CCDC124: variants seen among roughly 807,000 people sequenced by gnomAD.
CCDC124 encodes the protein coiled-coil domain containing 124.
Under a neutral mutation model 19.8 loss-of-function variants are expected in CCDC124, and 9 were observed. The observed-to-expected ratio is 0.45, with a 90% CI of 0.27 to 0.79. CCDC124 has a LOEUF of 0.79. Among genes scored for constraint, CCDC124 ranks in the 30% least tolerant of loss-of-function variants. CCDC124 has a pLI of 0.14. For missense variants in CCDC124, 285 were observed against 319.0 expected (o/e 0.89, Z 0.81); for synonymous variants, 126 against 131.3 (o/e 0.96, Z 0.27).
At position 17,936,577 on chromosome 19, in the gene CCDC124, A is replaced by G; in HGVS notation, c.157A>G (p.Lys53Glu). ...DKHVMRKEQR[K>E]EEKEKRRLDQ... ...ACACGTCATGAGGAAGGAGCAGCGC[A>G]AGGTGCGTGCACTCCGAGTCCCCGC... is the stretch of plus-strand genomic sequence containing the variant. Residue 53 changes from lysine (K) to glutamate (E), a missense_variant and splice_region_variant, in exon 2 of 5, where the codon AAG (lysine) becomes GAG (glutamate). Coordinates refer to ENST00000445755, the MANE Select transcript of CCDC124 (RefSeq NM_001136203.2). The G allele has an allele frequency of 1.9e-6, 3 of 1,612,214 alleles. No individual in the cohort carries two copies. Among genetic ancestry groups the G allele is most frequent in the Non-Finnish European group, 2.5e-6 (3 of 1,179,268 alleles).
chr19:17,943,857 C>A lies in CCDC124; in HGVS notation c.*142C>A. 1 of 765,898 alleles carries A rather than the reference C, an allele frequency of 1.3e-6. No homozygotes were observed. Among genetic ancestry groups the A allele is most frequent in the Non-Finnish European group, 2.1e-6 (1 of 476,132 alleles). The allele number at this position is 765,898 out of a possible 1,614,324, so 47.4% of individuals were successfully genotyped here. ...CCCGGGGCCATGCTCTTATCACCAGCCACCCGTCCTCCCGCCAGAGGGTCC... is the reference window on the plus strand; with the variant it reads ...CCCGGGGCCATGCTCTTATCACCAGACACCCGTCCTCCCGCCAGAGGGTCC... On this transcript the variant is annotated 3_prime_UTR_variant, in exon 5 of 5. Transcript: ENST00000445755.
intron 1 of CCDC124, among the ~76,000 whole-genome samples, chr19:17,933,985 T>A (rs1264970966): frequency 1.3e-5 from 2 of 152,210 alleles, no homozygotes; most frequent in Non-Finnish European, 2.9e-5. Context: ...TGTCTGTATT[T>A]CCAGCTTGGG....
At chr19:17,937,213 G>A (rs892084109) in intron 2 of CCDC124, among the ~76,000 whole-genome samples, 1 of 151,630 alleles carries the variant, frequency 6.6e-6, no homozygotes, top group African/African-American at 2.4e-5. Context: ...CCCAGGAGGC[G>A]GAGGTTGCAA....
intron 2 of CCDC124, chr19:17,936,849 C>T (rs2031077026): frequency 3.0e-6 from 1 of 329,464 alleles, no homozygotes; most frequent in East Asian, 6.1e-5. Context: ...CGTGGTGGCG[C>T]ACACTTACAG....
chr19:17,935,672 C>T (rs536841655), intron 1 of CCDC124, among the ~76,000 whole-genome samples: 3 of 152,130 alleles, frequency 2.0e-5, no homozygotes, highest in Non-Finnish European at 4.4e-5. Flanking sequence ...ACCTCTGCCT[C>T]CCAGGTTCAA....
chr19:17,939,231 C>A (rs1335632478), intron 2 of CCDC124, among the ~76,000 whole-genome samples: 1 of 151,954 alleles, frequency 6.6e-6, no homozygotes, highest in Non-Finnish European at 1.5e-5. Flanking sequence ...CCCATCTCTG[C>A]TAAAAATAAA....
At chr19:17,935,623 C>G (rs1674684324) in intron 1 of CCDC124, among the ~76,000 whole-genome samples, 1 of 152,128 alleles carries the variant, frequency 6.6e-6, no homozygotes, top group Non-Finnish European at 1.5e-5. Flanking sequence ...ACTCTGCCGC[C>G]TAGGCTGGAG....
Position 17,942,608 on chromosome 19 carries a change from C to A in CCDC124, c.160-48C>A. ...ACTCGAACCCCAGGCTAGTGGGTGG[C>A]GCGGGGGTGTGGGGTCTTCTGCCTG... On this transcript the variant is annotated intron_variant, in intron 2 of 4. Coordinates refer to ENST00000445755, the MANE Select transcript of CCDC124 (RefSeq NM_001136203.2). The surrounding 1 kb of genome is among the most constrained non-coding windows in gnomAD (Gnocchi z 4.2). 2 of 1,538,000 alleles carry A rather than the reference C, an allele frequency of 1.3e-6. No homozygotes were observed. The highest frequency in any genetic ancestry group is 8.8e-7 in the Non-Finnish European group (1 of 1,138,838).
chr19:17,942,972 G>A lies in CCDC124; in HGVS notation c.349+127G>A. 1 of 1,152,382 alleles carries A rather than the reference G, an allele frequency of 8.7e-7. No homozygotes were observed. Among genetic ancestry groups the A allele is most frequent in the Non-Finnish European group, 1.2e-6 (1 of 838,356 alleles). The allele number at this position is 1,152,382 out of a possible 1,614,324, so 71.4% of individuals were successfully genotyped here. ...GCTCCACGTGGTGCAGGGTGGGTGG[G>A]TAGGCCGCCTCCTGGTAGGCCTGGC... is the stretch of plus-strand genomic sequence containing the variant. On this transcript the variant is annotated intron_variant, in intron 3 of 4. Coordinates refer to ENST00000445755, the MANE Select transcript of CCDC124 (RefSeq NM_001136203.2). This position sits in a 1 kb window ranked among gnomAD's most constrained non-coding sequence, Gnocchi z 4.2.
chr19:17,934,214 C>T (rs564896115), intron 1 of CCDC124, among the ~76,000 whole-genome samples: 1 of 151,620 alleles, frequency 6.6e-6, no homozygotes, highest in East Asian at 1.9e-4. Context: ...TGGTGAAACC[C>T]CATCTCTATA....
intron 2 of CCDC124, among the ~76,000 whole-genome samples, chr19:17,941,571 G>C (rs1037979989): frequency 4.6e-5 from 7 of 152,090 alleles, no homozygotes; most frequent in Admixed American, 3.9e-4. Context: ...GCATCGGTCG[G>C]GGAGCCTCGG....
In CCDC124 at chr19:17,943,497, TCCAC is replaced by T. The variant is rs1345684794; in HGVS notation, c.465-8_465-5del. 1 of 1,608,554 alleles carries T rather than the reference TCCAC, an allele frequency of 6.2e-7. No homozygotes were observed. Among genetic ancestry groups the T allele is most frequent in the Admixed American group, 1.7e-5 (1 of 59,894 alleles). On this transcript the variant is annotated splice_region_variant and splice_polypyrimidine_tract_variant and intron_variant, in intron 4 of 4. Transcript: ENST00000445755. ...CGCCCAAGGCCCCCTGACGCTCATGTCCACCCCCAGCGTGGCGGAGGAGGCGGCC... is the reference window on the plus strand; with the variant it reads ...CGCCCAAGGCCCCCTGACGCTCATGTCCCCAGCGTGGCGGAGGAGGCGGCC...
At chr19:17,937,158 G>C (rs2031084770) in intron 2 of CCDC124, among the ~76,000 whole-genome samples, 1 of 151,824 alleles carries the variant, frequency 6.6e-6, no homozygotes, top group African/African-American at 2.4e-5. Context: ...GCAGGCTCCT[G>C]TAATCCCAGC....
Position 17,943,241 on chromosome 19 carries a change from T to TCGGGGGGCCCCCCCCC in CCDC124, c.350-19_350-18insGGGGGGCCCCCCCCCC. On this transcript the variant is annotated intron_variant, in intron 3 of 4. Coordinates refer to ENST00000445755, the MANE Select transcript of CCDC124 (RefSeq NM_001136203.2). ...CTTTGCTTATCTCTCTCTGTCTCTG[T>TCGGGGGGCCCCCCCCC]CACCCACCCACCCGCCCAGCCGAGA... 1.2e-5 allele frequency: 9 copies of TCGGGGGGCCCCCCCCC among 736,676 alleles called. No homozygotes were observed. Among genetic ancestry groups the TCGGGGGGCCCCCCCCC allele is most frequent in the East Asian group, 2.7e-5 (1 of 37,084 alleles). 45.6% of individuals were successfully genotyped at this position (736,676 alleles called of 1,614,324 possible).
chr19:17,939,266 G>T (rs149392644), intron 2 of CCDC124, among the ~76,000 whole-genome samples: 7 of 152,076 alleles, frequency 4.6e-5, no homozygotes, highest in South Asian at 4.2e-4. Flanking sequence ...GTGGTGGCGC[G>T]CACCTGTAGT....
In CCDC124 at chr19:17,942,746, G is replaced by A. The variant is rs749329035; in HGVS notation, c.250G>A (p.Gly84Ser). 4 of 1,549,556 alleles carry A rather than the reference G, an allele frequency of 2.6e-6. No individual in the cohort carries two copies. The highest frequency in any genetic ancestry group is 2.4e-5 in the East Asian group (1 of 41,152). Residue 84 changes from glycine (G) to serine (S), a missense_variant, in exon 3 of 5, where the codon GGC becomes AGC. Gly to Ser is a moderately conservative substitution (Grantham distance 56). Coordinates refer to ENST00000445755, the MANE Select transcript of CCDC124 (RefSeq NM_001136203.2). The surrounding 1 kb of genome is among the most constrained non-coding windows in gnomAD (Gnocchi z 4.2). ...GGAGGAGGACTCCAAGCTCAAGGGC[G>A]GCAAGGCGCCGCGGGTGGCCACGTC... Reference protein sequence around the residue: ...LEEEDSKLKGGKAPRVATSSK... With the variant: ...LEEEDSKLKGSKAPRVATSSK...
At chr19:17,933,281 C>A (rs1182940065) in intron 1 of CCDC124, among the ~76,000 whole-genome samples, 1 of 152,186 alleles carries the variant, frequency 6.6e-6, no homozygotes, top group Non-Finnish European at 1.5e-5. Context: ...CCCCGGACTG[C>A]CCCTAGGCAG....
Position 17,942,809 on chromosome 19 carries a change from C to G in CCDC124, c.313C>G (p.Arg105Gly). The stretch of plus-strand genomic sequence containing the variant: ...CCGGGCCCAGATCGAGGACACGCTG[C>G]GCCGAGACCATCAGCTCAGGGAGGC... ...VTRAQIEDTL[R>G]RDHQLREAPD... is the part of the protein sequence containing the mutation. The change falls in exon 3 of 5, where the codon CGC becomes GGC. Residue 105 changes from arginine (R) to glycine (G), a missense_variant. Physicochemically the swap from Arg to Gly is moderately radical, Grantham distance 125. Coordinates refer to ENST00000445755, the MANE Select transcript of CCDC124 (RefSeq NM_001136203.2). The surrounding 1 kb of genome is among the most constrained non-coding windows in gnomAD (Gnocchi z 4.2). 6.5e-7 allele frequency: 1 copy of G among 1,536,844 alleles called. No homozygotes were observed. Among genetic ancestry groups the G allele is most frequent in the Admixed American group, 2.1e-5 (1 of 48,764 alleles).
At chr19:17,943,459 C>CG (rs1427102923) in intron 4 of CCDC124, 49 bp from the exon 5 acceptor site, 1 of 1,586,170 alleles carries the variant, frequency 6.3e-7, no homozygotes, top group South Asian at 1.1e-5. Flanking sequence ...CCGGGCTTTT[C>CG]GGGGCAAGGC....
Sources: allele counts gnomAD v4.1 joint callset (sites outside exome capture counted in the v4.1 genomes callset), GRCh38; gene constraint gnomAD v4.1.1; non-coding constraint Gnocchi (gnomAD v3.1); transcripts MANE v1.5; gene names NCBI Gene and HGNC (gene_info 2026-07-23, HGNC 2026-07-21).